AFF1: variants seen among roughly 807,000 people sequenced by gnomAD.
AFF1 encodes the protein AF4/FMR2 family member 1.
AFF1 carries 48 observed loss-of-function variants against 121.7 expected under a neutral mutation model. That is an observed-to-expected ratio of 0.39 (90% CI 0.31 to 0.50). The LOEUF (loss-of-function observed/expected upper bound fraction) is 0.50. Ranked by LOEUF, AFF1 falls within the 20% of genes least tolerant of loss-of-function variation. The pLI is 0.76. For missense variants in AFF1, 1,523 were observed against 1,511.7 expected (o/e 1.01, Z -0.12); for synonymous variants, 613 against 563.0 (o/e 1.09, Z -1.26).
At chr4:87,111,825 G>A (rs972955912) in intron 11 of AFF1, among the ~76,000 whole-genome samples, 2 of 152,094 alleles carry the variant, frequency 1.3e-5, no homozygotes, top group East Asian at 1.9e-4. Context: ...TTGGGACATA[G>A]GCCTTCCTTT....
At chr4:86,966,766 C>T (rs1237066976) in intron 2 of AFF1, among the ~76,000 whole-genome samples, 1 of 152,154 alleles carries the variant, frequency 6.6e-6, no homozygotes, top group African/African-American at 2.4e-5. Flanking sequence ...ATCATTCCTC[C>T]TCTTCTGTTC....
intron 2 of AFF1, among the ~76,000 whole-genome samples, chr4:87,026,079 T>TTTTTTGC (rs61608388): frequency 1.3e-5 from 2 of 150,196 alleles, no homozygotes; most frequent in Admixed American, 6.6e-5. Context: ...TTTTTTTTTT[T>TTTTTTGC]GCGTGGTGGT....
chr4:87,119,357 T>C (rs1455576245), intron 12 of AFF1, among the ~76,000 whole-genome samples: 5 of 151,904 alleles, frequency 3.3e-5, no homozygotes, highest in African/African-American at 9.7e-5. Context: ...GGCGGGTGGA[T>C]TGCTTGAGCC....
At chr4:87,037,691 G>A (rs987551398) in intron 2 of AFF1, among the ~76,000 whole-genome samples, 9 of 152,146 alleles carry the variant, frequency 5.9e-5, no homozygotes, top group Non-Finnish European at 4.4e-5. Context: ...TACCTGGCAA[G>A]TTCATTTTGA....
intron 1 of AFF1, among the ~76,000 whole-genome samples, chr4:86,945,772 A>G (rs528279607): frequency 5.1e-4 from 77 of 152,138 alleles, no homozygotes; most frequent in African/African-American, 1.8e-3. Flanking sequence ...GATTACAGGC[A>G]TGAGCCACCA....
At chr4:86,988,586 G>C (rs1268427828) in intron 2 of AFF1, among the ~76,000 whole-genome samples, 1 of 152,134 alleles carries the variant, frequency 6.6e-6, no homozygotes, top group African/African-American at 2.4e-5. Flanking sequence ...TGGATAGGAA[G>C]AATCAGTATC....
intron 2 of AFF1, among the ~76,000 whole-genome samples, chr4:86,951,615 C>CTTTTCTTTTT (rs1721324296): frequency 8.0e-6 from 1 of 124,944 alleles, no homozygotes; most frequent in African/African-American, 3.3e-5. Flanking sequence ...TTTCTTTTTT[C>CTTTTCTTTTT]TTTTTTTCTT....
intron 2 of AFF1, among the ~76,000 whole-genome samples, chr4:86,983,536 TAAAA>T (rs144261754): frequency 0.21 from 31,660 of 150,802 alleles, 3,425 homozygotes; most frequent in East Asian, 0.31. Flanking sequence ...TCTCAAAAAA[TAAAA>T]AAATTAAAAA....
chr4:86,976,940 T>C (rs566699090), intron 2 of AFF1, among the ~76,000 whole-genome samples: 1 of 152,328 alleles, frequency 6.6e-6, no homozygotes, highest in Non-Finnish European at 1.5e-5. Flanking sequence ...ATTAAGTAAC[T>C]TAATACTTAG....
At chr4:87,110,226 T>C (rs1726326750) in intron 11 of AFF1, among the ~76,000 whole-genome samples, 1 of 152,134 alleles carries the variant, frequency 6.6e-6, no homozygotes, top group Non-Finnish European at 1.5e-5. Flanking sequence ...GGGTATGTAA[T>C]AGTTGTATAT....
chr4:86,945,555 G>C (rs1310845820), intron 1 of AFF1, among the ~76,000 whole-genome samples: 1 of 138,884 alleles, frequency 7.2e-6, no homozygotes, highest in African/African-American at 2.7e-5. Context: ...CTGCAGTGCA[G>C]TGGCACAGAT....
Position 87,127,514 on chromosome 4 carries a change from C to T in AFF1, c.2904-129C>T, listed in dbSNP as rs567221784. ...CCTCCTCCCCTCCTTATTTCCACTT[C>T]TCCTTCTTTGTTTACCCTCTCTCCT... On this transcript the variant is annotated intron_variant, in intron 15 of 20. Transcript: ENST00000395146. The T allele has an allele frequency of 1.7e-5, 14 of 808,958 alleles. No individual in the cohort carries two copies. The East Asian group carries it at 3.2e-4, about 18-fold the overall frequency. 50.1% of individuals were successfully genotyped at this position (808,958 alleles called of 1,614,324 possible).
intron 2 of AFF1, chr4:87,007,549 A>G: frequency 7.7e-7 from 1 of 1,292,482 alleles, no homozygotes; most frequent in South Asian, 1.2e-5. Flanking sequence ...CCTTCTCATC[A>G]TTCCCGAGGC....
chr4:87,065,217 G>A (rs1721217949), intron 4 of AFF1, among the ~76,000 whole-genome samples: 1 of 152,224 alleles, frequency 6.6e-6, no homozygotes, highest in African/African-American at 2.4e-5. Flanking sequence ...AAGGCAAGGA[G>A]GAGCAGGTCA....
At chr4:87,021,442 A>T (rs1296515331) in intron 2 of AFF1, among the ~76,000 whole-genome samples, 1 of 152,208 alleles carries the variant, frequency 6.6e-6, no homozygotes, top group African/African-American at 2.4e-5. Context: ...ATGTATTTTT[A>T]ATGTAACTCT....
At chr4:87,023,819 A>G (rs1728263803) in intron 2 of AFF1, among the ~76,000 whole-genome samples, 1 of 152,238 alleles carries the variant, frequency 6.6e-6, no homozygotes, top group Non-Finnish European at 1.5e-5. Flanking sequence ...TTCGTTCTAT[A>G]CTTGTGTTAG....
At chr4:87,130,130 A>G (rs1728682402) in intron 16 of AFF1, among the ~76,000 whole-genome samples, 1 of 150,582 alleles carries the variant, frequency 6.6e-6, no homozygotes, top group South Asian at 2.1e-4. Context: ...CTGCTACCAC[A>G]CCTGGCTAAT....
At position 87,115,252 on chromosome 4, in the gene AFF1, G is replaced by A; in HGVS notation, c.2419G>A (p.Glu807Lys). 2 of 1,613,578 alleles carry A rather than the reference G, an allele frequency of 1.2e-6. No homozygotes were observed. Among genetic ancestry groups the A allele is most frequent in the South Asian group, 2.2e-5 (2 of 90,998 alleles). Residue 807 changes from glutamate (E) to lysine (K), a missense_variant, in exon 12 of 21, where the codon GAG (glutamate) becomes AAG (lysine). By Grantham distance (56) the Glu-to-Lys change is moderately conservative. This residue lies in a region of AFF1 where 905 missense variants were observed against 842.5 expected (regional missense o/e 1.07). Coordinates refer to ENST00000395146, the MANE Select transcript of AFF1 (RefSeq NM_001166693.3). ...QPPAGKKHSS[E>K]KRSSDSSSKL... ...GCCCGCAGGGAAGAAGCACAGCTCT[G>A]AGAAGAGGAGCTCAGACAGCTCAAG...
chr4:87,131,878 T>A lies in AFF1; in HGVS notation c.3173+14T>A, dbSNP rs1158754500. 6.4e-7 allele frequency: 1 copy of A among 1,559,466 alleles called. No homozygotes were observed. The highest frequency in any genetic ancestry group is 1.2e-5 in the South Asian group (1 of 82,586). On this transcript the variant is annotated intron_variant, in intron 18 of 20. Coordinates refer to ENST00000395146, the MANE Select transcript of AFF1 (RefSeq NM_001166693.3). ...TGCTGTTTTATGGTGCGTATTTTCCTTTGTCTAAATAGTACTAAATTTGTT... is the reference window on the plus strand; with the variant it reads ...TGCTGTTTTATGGTGCGTATTTTCCATTGTCTAAATAGTACTAAATTTGTT...
Sources: gnomAD v4.1 joint callset for allele counts (sites outside exome capture counted in the v4.1 genomes callset) on GRCh38, gnomAD v4.1.1 for gene constraint, gnomAD v4.1.1 regional missense constraint, MANE v1.5 for transcripts, NCBI Gene and HGNC (gene_info 2026-07-23, HGNC 2026-07-21) for gene names.